Variants in RORA observed in about 807,000 individuals in gnomAD.
RORA encodes RAR related orphan receptor A, also known as nuclear receptor ROR-alpha.
A neutral mutation model predicts 69.5 loss-of-function variants in RORA; 7 were observed. The ratio of observed to expected loss-of-function variants is 0.10; its 90% CI spans 0.06 to 0.19. The LOEUF is 0.19. Ranked by LOEUF, RORA falls within the 10% of genes least tolerant of loss-of-function variation. The probability of loss-of-function intolerance (pLI) is 1.00; values close to 1 mark genes in which losing one functional copy is unlikely to be tolerated. For missense variants in RORA, 457 were observed against 663.0 expected (o/e 0.69, Z 3.41); for synonymous variants, 261 against 240.8 (o/e 1.08, Z -0.78).
chr15:61,223,480 G>A (rs2080117854), intron 1 of RORA, among the ~76,000 whole-genome samples: 1 of 152,034 alleles, frequency 6.6e-6, no homozygotes, highest in Non-Finnish European at 1.5e-5. Context: ...TAGACAACAA[G>A]GGAGGAAATA....
chr15:60,979,596 A>T (rs902787277), intron 1 of RORA, among the ~76,000 whole-genome samples: 13 of 152,102 alleles, frequency 8.5e-5, no homozygotes, highest in African/African-American at 3.1e-4. Flanking sequence ...TGCCATTTCA[A>T]GTGGCATCAC....
chr15:61,176,965 G>A (rs1306719969), intron 1 of RORA, among the ~76,000 whole-genome samples: 8 of 152,132 alleles, frequency 5.3e-5, no homozygotes, highest in Admixed American at 4.6e-4. Context: ...TACATTTATT[G>A]AATGCCTGCT....
chr15:61,043,303 G>C (rs998179610), intron 1 of RORA, among the ~76,000 whole-genome samples: 2 of 152,146 alleles, frequency 1.3e-5, no homozygotes, highest in South Asian at 2.1e-4. Flanking sequence ...ACAGAGTACA[G>C]GACAAATTGG....
At chr15:61,133,076 T>C (rs1362188647) in intron 1 of RORA, among the ~76,000 whole-genome samples, 1 of 149,334 alleles carries the variant, frequency 6.7e-6, no homozygotes, top group Non-Finnish European at 1.5e-5. Context: ...AGTAAAACTG[T>C]AAATACTAGA....
At chr15:60,862,212 G>C (rs2073441282) in intron 1 of RORA, among the ~76,000 whole-genome samples, 1 of 152,158 alleles carries the variant, frequency 6.6e-6, no homozygotes. Flanking sequence ...GGAAGTCCTT[G>C]ATTTTCACTC....
intron 1 of RORA, among the ~76,000 whole-genome samples, chr15:61,167,482 A>ATTTTTTTTTTTTTTTTTTTTTTTTTTTTT (rs199752865): frequency 1.5e-5 from 2 of 133,656 alleles, no homozygotes; most frequent in Admixed American, 7.9e-5. Flanking sequence ...TTTGACCAGG[A>ATTTTTTTTTTTTTTTTTTTTTTTTTTTTT]TTTTTTTTTT....
At chr15:60,723,347 G>C (rs141828094) in intron 1 of RORA, among the ~76,000 whole-genome samples, 92 of 151,868 alleles carry the variant, frequency 6.1e-4, no homozygotes, top group African/African-American at 1.8e-3. Flanking sequence ...AACTGGTTGA[G>C]ATTGACAAAT....
intron 1 of RORA, among the ~76,000 whole-genome samples, chr15:60,779,144 A>G (rs1379021522): frequency 6.6e-6 from 1 of 152,236 alleles, no homozygotes; most frequent in Admixed American, 6.5e-5. Flanking sequence ...TCAGTAAGGC[A>G]CAAGCAATTT....
intron 1 of RORA, among the ~76,000 whole-genome samples, chr15:61,122,646 A>T (rs766777488): frequency 6.6e-6 from 1 of 152,128 alleles, no homozygotes; most frequent in Non-Finnish European, 1.5e-5. Flanking sequence ...GAGAATCAGT[A>T]ATTTTTTTTT....
chr15:60,864,168 G>A (rs765601712), intron 1 of RORA, among the ~76,000 whole-genome samples: 1 of 152,164 alleles, frequency 6.6e-6, no homozygotes, highest in African/African-American at 2.4e-5. Context: ...GGTGGGGGTG[G>A]TTTAAGTGTT....
intron 1 of RORA, among the ~76,000 whole-genome samples, chr15:61,191,116 G>A (rs2079795614): frequency 1.3e-5 from 2 of 152,120 alleles, no homozygotes; most frequent in Admixed American, 1.3e-4. Flanking sequence ...AAACAGAAGA[G>A]ATTTGTATTG....
chr15:60,513,887 C>G (rs1331588912), intron 4 of RORA, among the ~76,000 whole-genome samples: 3 of 152,220 alleles, frequency 2.0e-5, no homozygotes, highest in Admixed American at 1.3e-4. Context: ...AGAGAGCCAG[C>G]TGGTATATTT....
intron 1 of RORA, among the ~76,000 whole-genome samples, chr15:60,895,631 T>C (rs1395760420): frequency 6.6e-6 from 1 of 152,188 alleles, no homozygotes; most frequent in Admixed American, 6.5e-5. Context: ...AGGCTTTTTA[T>C]TTAAAAAATA....
intron 1 of RORA, among the ~76,000 whole-genome samples, chr15:60,983,624 A>G (rs1272863457): frequency 6.6e-6 from 1 of 152,168 alleles, no homozygotes; most frequent in Non-Finnish European, 1.5e-5. Context: ...CTTAACCCAG[A>G]CACTCCTTTC....
At chr15:60,558,428 A>G (rs1423996548) in intron 2 of RORA, 4 of 607,094 alleles carry the variant, frequency 6.6e-6, no homozygotes, top group South Asian at 2.2e-5. Flanking sequence ...CCATAATTTA[A>G]TAGATCTCAT....
intron 1 of RORA, among the ~76,000 whole-genome samples, chr15:60,834,981 A>G (rs1306595198): frequency 1.3e-5 from 2 of 152,022 alleles, no homozygotes; most frequent in Non-Finnish European, 2.9e-5. Context: ...ATTATAAATG[A>G]TTAGTAGTTA....
At chr15:60,681,457 G>A (rs2070641067) in intron 1 of RORA, 1 of 152,132 alleles carries the variant, frequency 6.6e-6, no homozygotes, top group Admixed American at 6.5e-5. Context: ...CCTGAGTTTG[G>A]GTGAAAGATG....
chr15:60,515,089 C>T (rs2065820506), intron 3 of RORA, among the ~76,000 whole-genome samples: 1 of 152,180 alleles, frequency 6.6e-6, no homozygotes, highest in African/African-American at 2.4e-5. Flanking sequence ...TACAAAAGGA[C>T]TTACCTTTAG....
At chr15:60,516,189 AT>A (rs1567052371) in intron 3 of RORA, among the ~76,000 whole-genome samples, 4 of 16,950 alleles carry the variant, frequency 2.4e-4, no homozygotes, top group African/African-American at 1.2e-3. Flanking sequence ...ATATATTTAT[AT>A]ATATATTTAT....
Sources: allele counts gnomAD v4.1 joint callset (sites outside exome capture counted in the v4.1 genomes callset), GRCh38; gene constraint gnomAD v4.1.1; transcripts MANE v1.5; gene names NCBI Gene and HGNC (gene_info 2026-07-23, HGNC 2026-07-21).